GALNT13: variants seen among roughly 807,000 people sequenced by gnomAD.
GALNT13 encodes UDP-GalNAc:polypeptide N-acetylgalactosaminyltransferase 13.
GALNT13 carries 28 observed loss-of-function variants against 64.2 expected under a neutral mutation model. The observed-to-expected ratio is 0.44, with a 90% CI of 0.32 to 0.60. GALNT13 has a LOEUF of 0.60. Ranked by LOEUF, GALNT13 falls within the 20% of genes least tolerant of loss-of-function variation. GALNT13 has a pLI of 0.05. For synonymous variants in GALNT13, 214 were observed against 224.6 expected, an observed-to-expected ratio of 0.95 and a Z score of 0.42; for missense variants, 577 against 669.8, an observed-to-expected ratio of 0.86 and a Z score of 1.53.
the GALNT13 span, among the ~76,000 whole-genome samples, chr2:153,616,255 G>C: frequency 1.3e-5 from 2 of 151,452 alleles, no homozygotes; most frequent in Admixed American, 1.3e-4. Context: ...GTGTGAATTT[G>C]TTTCTGGGTT....
the GALNT13 span, among the ~76,000 whole-genome samples, chr2:153,085,931 A>G: frequency 6.6e-6 from 1 of 152,222 alleles, no homozygotes; most frequent in Non-Finnish European, 1.5e-5. Flanking sequence ...GTGCCCTGCA[A>G]AGCCACAGGG....
intron 4 of GALNT13, among the ~76,000 whole-genome samples, chr2:154,166,998 G>A (rs1445303153): frequency 2.6e-5 from 4 of 151,828 alleles, no homozygotes; most frequent in African/African-American, 9.7e-5. Flanking sequence ...GAGTGGGGAG[G>A]GATAGCATTA....
At chr2:153,477,237 C>G in the GALNT13 span, 5 of 152,512 alleles carry the variant, frequency 3.3e-5, no homozygotes, top group African/African-American at 1.2e-4. Context: ...TGAATCGCAG[C>G]TCTCCAGGGT....
At chr2:153,273,360 C>A in the GALNT13 span, among the ~76,000 whole-genome samples, 1 of 152,134 alleles carries the variant, frequency 6.6e-6, no homozygotes, top group African/African-American at 2.4e-5. Context: ...TATCTGCAGG[C>A]TAGTAGGCAA....
the GALNT13 span, among the ~76,000 whole-genome samples, chr2:153,696,619 A>G: frequency 4.5e-5 from 2 of 44,242 alleles, no homozygotes; most frequent in East Asian, 4.8e-4. Context: ...TAGAGTAATT[A>G]CAACAATATG....
the GALNT13 span, among the ~76,000 whole-genome samples, chr2:153,248,815 C>CAAAA: frequency 3.1e-5 from 4 of 127,466 alleles, 1 homozygote; most frequent in African/African-American, 3.0e-5. Context: ...GACTCTGTCT[C>CAAAA]GAAAAAAAAA....
the GALNT13 span, among the ~76,000 whole-genome samples, chr2:153,254,375 C>A: frequency 0.027 from 4,083 of 151,978 alleles, 167 homozygotes; most frequent in African/African-American, 0.088. Context: ...CTTTATTAGT[C>A]TGGCTAACAG....
the GALNT13 span, among the ~76,000 whole-genome samples, chr2:153,077,766 T>A: frequency 6.6e-6 from 1 of 152,350 alleles, no homozygotes; most frequent in Admixed American, 6.5e-5. Flanking sequence ...AATTCATGAA[T>A]TGGGGAGCAA....
At chr2:153,439,113 C>G in the GALNT13 span, among the ~76,000 whole-genome samples, 1 of 152,168 alleles carries the variant, frequency 6.6e-6, no homozygotes, top group Non-Finnish European at 1.5e-5. Context: ...TGGGTATCAG[C>G]AGCAGTGGCT....
intron 8 of GALNT13, chr2:154,287,515 G>A (rs775573030): frequency 3.9e-5 from 10 of 259,716 alleles, no homozygotes; most frequent in Non-Finnish European, 7.7e-5. Context: ...CCCCAGATTG[G>A]ATGATTTCCA....
chr2:153,595,960 A>C, the GALNT13 span, among the ~76,000 whole-genome samples: 2 of 152,170 alleles, frequency 1.3e-5, no homozygotes, highest in African/African-American at 4.8e-5. Context: ...TGTGATTCTG[A>C]GTGGCTCAGC....
At chr2:153,258,482 C>G in the GALNT13 span, among the ~76,000 whole-genome samples, 2 of 152,024 alleles carry the variant, frequency 1.3e-5, no homozygotes, top group African/African-American at 4.8e-5. Context: ...TTATTATAGT[C>G]TTTCTTCTAC....
At chr2:153,576,750 G>GT in the GALNT13 span, among the ~76,000 whole-genome samples, 350 of 152,126 alleles carry the variant, frequency 2.3e-3, 5 homozygotes, top group African/African-American at 8.1e-3. Context: ...TCATGAAGAT[G>GT]TTTTTTCAAT....
chr2:153,261,831 T>C, the GALNT13 span, among the ~76,000 whole-genome samples: 21 of 152,214 alleles, frequency 1.4e-4, no homozygotes, highest in Non-Finnish European at 8.8e-5. Context: ...TCTCTTCCCG[T>C]GGCCACCACC....
intron 3 of GALNT13, among the ~76,000 whole-genome samples, chr2:154,099,677 C>A (rs748677156): frequency 2.0e-5 from 3 of 152,030 alleles, no homozygotes; most frequent in Non-Finnish European, 4.4e-5. Flanking sequence ...GAGGCTCATA[C>A]CTGTAATACC....
chr2:153,804,282 C>T, the GALNT13 span, among the ~76,000 whole-genome samples: 1,592 of 152,288 alleles, frequency 0.01, 15 homozygotes, highest in Admixed American at 0.019. Context: ...GATCTTCCTA[C>T]CTCAGCCTTT....
the GALNT13 span, among the ~76,000 whole-genome samples, chr2:153,624,351 G>A: frequency 6.6e-6 from 1 of 152,158 alleles, no homozygotes; most frequent in Non-Finnish European, 1.5e-5. Flanking sequence ...ACCTCTCCAC[G>A]CATTGTCCTG....
At chr2:153,744,000 G>A in the GALNT13 span, among the ~76,000 whole-genome samples, 3 of 152,116 alleles carry the variant, frequency 2.0e-5, no homozygotes, top group Admixed American at 2.0e-4. Flanking sequence ...TGAATGACAG[G>A]ATTGTATTCA....
At chr2:153,540,695 G>C in the GALNT13 span, among the ~76,000 whole-genome samples, 1 of 152,252 alleles carries the variant, frequency 6.6e-6, no homozygotes, top group Non-Finnish European at 1.5e-5. Flanking sequence ...TGACCTGGAT[G>C]TGAGACATGG....
Sources: gnomAD v4.1 joint callset for allele counts (sites outside exome capture counted in the v4.1 genomes callset) on GRCh38, gnomAD v4.1.1 for gene constraint, MANE v1.5 for transcripts, NCBI Gene and HGNC (gene_info 2026-07-23, HGNC 2026-07-21) for gene names.